RALYL: variants seen among roughly 807,000 people sequenced by gnomAD.
RALYL encodes the protein RNA-binding Raly-like protein.
A neutral mutation model predicts 35.1 loss-of-function variants in RALYL; 29 were observed. That is an observed-to-expected ratio of 0.83 (90% CI 0.61 to 1.13). The LOEUF (loss-of-function observed/expected upper bound fraction) is 1.13, where lower values mean the gene tolerates loss of function less well. Among genes scored for constraint, RALYL ranks in the 50% most tolerant of loss-of-function variants. RALYL has a pLI of 0.00. For missense variants in RALYL, 359 were observed against 360.4 expected, an observed-to-expected ratio of 1.00 and a Z score of 0.03; for synonymous variants, 120 against 127.6, an observed-to-expected ratio of 0.94 and a Z score of 0.40.
At chr8:84,525,967 T>G (rs1219583213) in intron 1 of RALYL, among the ~76,000 whole-genome samples, 1 of 146,082 alleles carries the variant, frequency 6.8e-6, no homozygotes, top group Non-Finnish European at 1.5e-5. Flanking sequence ...TTTTTTTTTT[T>G]TTTTTTTTGA....
chr8:84,215,972 T>C (rs930298344), intron 1 of RALYL, among the ~76,000 whole-genome samples: 1 of 152,126 alleles, frequency 6.6e-6, no homozygotes, highest in Non-Finnish European at 1.5e-5. Flanking sequence ...TATGAGAAAA[T>C]ATAATATTCT....
intron 2 of RALYL, among the ~76,000 whole-genome samples, chr8:84,703,022 T>G (rs1358193532): frequency 6.6e-6 from 1 of 152,134 alleles, no homozygotes; most frequent in Non-Finnish European, 1.5e-5. Flanking sequence ...CGTGCCCTTC[T>G]CTTCAGCTTC....
chr8:84,202,959 C>G (rs1586145558), intron 1 of RALYL, among the ~76,000 whole-genome samples: 1 of 151,906 alleles, frequency 6.6e-6, no homozygotes, highest in Non-Finnish European at 1.5e-5. Context: ...TGCTTGAAAC[C>G]CATAACATAA....
At chr8:84,902,106 T>A (rs1467911923) in intron 8 of RALYL, among the ~76,000 whole-genome samples, 1 of 152,106 alleles carries the variant, frequency 6.6e-6, no homozygotes, top group Non-Finnish European at 1.5e-5. Context: ...TATAAAGAAA[T>A]ACCTAAGACT....
intron 1 of RALYL, among the ~76,000 whole-genome samples, chr8:84,467,059 G>T (rs1242098983): frequency 2.0e-5 from 3 of 152,040 alleles, no homozygotes; most frequent in African/African-American, 7.2e-5. Flanking sequence ...CTTGCTAGCG[G>T]TCTATCAATT....
intron 2 of RALYL, among the ~76,000 whole-genome samples, chr8:84,567,179 T>C (rs541360591): frequency 1.3e-5 from 2 of 151,910 alleles, no homozygotes; most frequent in African/African-American, 4.8e-5. Flanking sequence ...TTTCTCCCAT[T>C]CTGTGGGTTT....
intron 1 of RALYL, among the ~76,000 whole-genome samples, chr8:84,368,685 G>C (rs1399398440): frequency 1.3e-5 from 2 of 152,106 alleles, no homozygotes; most frequent in African/African-American, 4.8e-5. Flanking sequence ...GATCTTCTGA[G>C]ACTTATTCAT....
rs1454535733 is a variant in RALYL, at chr8:84,568,806, G to C, written c.256+39229G>C. ...TTGCATTTCTCTGATGGCCAGTGAT[G>C]ATGAGCATTTTTTCATGTGTTTTTT... On this transcript the variant is annotated intron_variant, in intron 2 of 8. Transcript: ENST00000521268. 1.8e-4 allele frequency among the ~76,000 whole-genome samples: 27 copies of C among 147,824 alleles called. 2 individuals are homozygous for C. The highest frequency in any genetic ancestry group is 1.7e-3 in the Admixed American group (25 of 14,874).
At chr8:84,427,750 T>C (rs914894387) in intron 1 of RALYL, among the ~76,000 whole-genome samples, 1 of 152,178 alleles carries the variant, frequency 6.6e-6, no homozygotes, top group African/African-American at 2.4e-5. Flanking sequence ...CCTAGCCAGG[T>C]TAGACACTTG....
At chr8:84,556,327 C>T (rs368220334) in intron 2 of RALYL, among the ~76,000 whole-genome samples, 107 of 152,074 alleles carry the variant, frequency 7.0e-4, no homozygotes, top group African/African-American at 2.4e-3. Flanking sequence ...CATCTCAATA[C>T]CTAAAATAAA....
intron 2 of RALYL, among the ~76,000 whole-genome samples, chr8:84,761,639 T>C (rs1244912759): frequency 2.6e-5 from 4 of 152,186 alleles, no homozygotes; most frequent in African/African-American, 4.8e-5. Context: ...CACAGCAATG[T>C]TGAGTCACAG....
intron 2 of RALYL, among the ~76,000 whole-genome samples, chr8:84,732,173 T>C (rs1460108440): frequency 6.6e-6 from 1 of 152,138 alleles, no homozygotes; most frequent in African/African-American, 2.4e-5. Context: ...TCAGTATCTG[T>C]ACCTCTTGTT....
chr8:84,338,037 C>T (rs561077308), intron 1 of RALYL, among the ~76,000 whole-genome samples: 6 of 151,940 alleles, frequency 3.9e-5, no homozygotes, highest in South Asian at 4.2e-4. Context: ...GGAGAGTAAA[C>T]GAGTGCACCA....
At chr8:84,630,520 T>C (rs1417043231) in intron 2 of RALYL, among the ~76,000 whole-genome samples, 3 of 152,050 alleles carry the variant, frequency 2.0e-5, no homozygotes, top group African/African-American at 7.2e-5. Flanking sequence ...GGAAGGATGA[T>C]GCAGTTTCTC....
chr8:84,368,141 T>C (rs955028147), intron 1 of RALYL, among the ~76,000 whole-genome samples: 4 of 152,170 alleles, frequency 2.6e-5, no homozygotes, highest in African/African-American at 4.8e-5. Flanking sequence ...GCTGAGAATT[T>C]GTAACTGAAA....
rs905500948 is a variant in RALYL, at chr8:84,497,967, T to G, written c.-23-31332T>G. ...AAGGTTGCTTTTTAAGTTTTTTTTT[T>G]TTTTGTTTTCAACTTTATTTTAGAA... On this transcript the variant is annotated intron_variant, in intron 1 of 8. Coordinates refer to ENST00000521268, the MANE Select transcript of RALYL (RefSeq NM_173848.7). 2.2e-4 allele frequency among the ~76,000 whole-genome samples: 33 copies of G among 152,030 alleles called. 1 individual carries two copies. The highest frequency in any genetic ancestry group is 3.4e-4 in the Non-Finnish European group (23 of 67,936).
intron 1 of RALYL, among the ~76,000 whole-genome samples, chr8:84,341,533 C>T (rs1192342919): frequency 6.6e-6 from 1 of 151,848 alleles, no homozygotes; most frequent in African/African-American, 2.4e-5. Flanking sequence ...GTATCGGTAT[C>T]GCATTTATAT....
At chr8:84,276,817 A>G (rs1345023270) in intron 1 of RALYL, among the ~76,000 whole-genome samples, 1 of 152,270 alleles carries the variant, frequency 6.6e-6, no homozygotes, top group African/African-American at 2.4e-5. Flanking sequence ...GAAGAATAAA[A>G]CAAAACTAAT....
chr8:84,835,634 G>T (rs563214246), intron 4 of RALYL, among the ~76,000 whole-genome samples: 1 of 137,298 alleles, frequency 7.3e-6, no homozygotes, highest in East Asian at 2.2e-4. Flanking sequence ...GATGAGCCAA[G>T]ATCGTGCCAT....
Sources: allele counts gnomAD v4.1 joint callset (sites outside exome capture counted in the v4.1 genomes callset), GRCh38; gene constraint gnomAD v4.1.1; transcripts MANE v1.5; gene names NCBI Gene and HGNC (gene_info 2026-07-23, HGNC 2026-07-21).